GATB: variants seen among roughly 807,000 people sequenced by gnomAD.
GATB encodes the protein glutamyl-tRNA amidotransferase subunit B.
Under a neutral mutation model 62.3 loss-of-function variants are expected in GATB, and 39 were observed. The observed-to-expected ratio is 0.63, with a 90% CI of 0.48 to 0.82. The LOEUF (loss-of-function observed/expected upper bound fraction) is 0.82, where lower values mean the gene tolerates loss of function less well. GATB is among the 40% of genes least tolerant of loss of function. The pLI, the probability that GATB is intolerant of heterozygous loss-of-function variation, is 0.00. For missense variants in GATB, 670 were observed against 684.0 expected, an observed-to-expected ratio of 0.98 and a Z score of 0.23; for synonymous variants, 276 against 258.9, an observed-to-expected ratio of 1.07 and a Z score of -0.63.
chr4:151,742,414 C>T (rs1038138374), intron 2 of GATB, among the ~76,000 whole-genome samples: 5 of 152,170 alleles, frequency 3.3e-5, no homozygotes, highest in Admixed American at 6.5e-5. Context: ...TGGGACAGGG[C>T]AAGGGGGCCA....
At chr4:151,696,012 C>T (rs1291796175) in intron 9 of GATB, among the ~76,000 whole-genome samples, 4 of 147,448 alleles carry the variant, frequency 2.7e-5, no homozygotes, top group Admixed American at 1.4e-4. Flanking sequence ...AAATCCTGGC[C>T]AAAAGTGATC....
chr4:151,712,591 A>C (rs1325037302), intron 5 of GATB, among the ~76,000 whole-genome samples: 1 of 152,344 alleles, frequency 6.6e-6, no homozygotes, highest in Admixed American at 6.5e-5. Context: ...GCAGTGGGTA[A>C]GGTTTGTTAA....
chr4:151,735,245 A>C (rs1001272654), intron 2 of GATB, among the ~76,000 whole-genome samples: 21 of 151,916 alleles, frequency 1.4e-4, no homozygotes, highest in African/African-American at 4.4e-4. Flanking sequence ...GAAAAAAAAA[A>C]AAAAACAAAC....
chr4:151,708,099 C>T lies in GATB; in HGVS notation c.766G>A (p.Gly256Ser). The T allele has an allele frequency of 6.2e-7, 1 of 1,606,334 alleles. No homozygotes were observed. The highest frequency in any genetic ancestry group is 2.2e-5 in the East Asian group (1 of 44,826). The change falls in exon 6 of 13, where the codon GGC becomes AGC. Residue 256 changes from glycine (G) to serine (S), a missense_variant and splice_region_variant. Gly to Ser is a moderately conservative substitution (Grantham distance 56, BLOSUM62 0). Transcript: ENST00000263985. Reference sequence around the variant, plus strand: ...ATATTGGCATCCACTCTCAACTGGCCCTCTGGAAGGAGAGAAGAAAACAAC... The same window carrying T: ...ATATTGGCATCCACTCTCAACTGGCTCTCTGGAAGGAGAGAAGAAAACAAC... ...LGTSQANMAE[G>S]QLRVDANISV...
intron 11 of GATB, chr4:151,673,276 G>A (rs925280623): frequency 2.3e-5 from 4 of 177,196 alleles, no homozygotes; most frequent in Non-Finnish European, 4.8e-5. Flanking sequence ...CGCGGGAGGC[G>A]TGGAGGTGCC....
chr4:151,697,278 C>T (rs1738488208), intron 9 of GATB, among the ~76,000 whole-genome samples: 1 of 152,190 alleles, frequency 6.6e-6, no homozygotes, highest in South Asian at 2.1e-4. Flanking sequence ...GGTATATCTA[C>T]ACAATGAAAT....
intron 2 of GATB, among the ~76,000 whole-genome samples, chr4:151,729,738 A>G (rs565428156): frequency 6.6e-6 from 1 of 152,314 alleles, no homozygotes; most frequent in East Asian, 1.9e-4. Flanking sequence ...AGTGTTGGGT[A>G]ATTCTTCTAT....
At chr4:151,736,237 C>T (rs1310870767) in intron 2 of GATB, among the ~76,000 whole-genome samples, 3 of 152,112 alleles carry the variant, frequency 2.0e-5, no homozygotes, top group Non-Finnish European at 4.4e-5. Context: ...GAGAATTCCA[C>T]AGTATCTATA....
chr4:151,756,311 T>A (rs1228758557), intron 2 of GATB, among the ~76,000 whole-genome samples: 1 of 152,240 alleles, frequency 6.6e-6, no homozygotes, highest in East Asian at 1.9e-4. Context: ...AGTCTGGCTA[T>A]CAGAGCATGT....
intron 10 of GATB, among the ~76,000 whole-genome samples, chr4:151,686,578 T>A (rs1341844654): frequency 6.6e-6 from 1 of 150,768 alleles, no homozygotes; most frequent in African/African-American, 2.5e-5. Context: ...TGCCCCAAAG[T>A]GACACCTACT....
At chr4:151,671,336 A>G (rs1043393981) in intron 12 of GATB, 34 bp from the exon 13 acceptor site, 26 of 1,403,864 alleles carry the variant, frequency 1.9e-5, no homozygotes, top group Non-Finnish European at 2.2e-5. Flanking sequence ...TTAAGAGGAG[A>G]AAATGAAGGG....
intron 5 of GATB, among the ~76,000 whole-genome samples, chr4:151,715,592 T>C (rs539363771): frequency 2.0e-5 from 3 of 152,170 alleles, no homozygotes; most frequent in Admixed American, 6.5e-5. Flanking sequence ...TTCCGCTGTA[T>C]ATGGATGAAA....
chr4:151,679,843 G>T lies in GATB; in HGVS notation c.1380C>A (p.Ser460Arg), dbSNP rs774488466. The stretch of plus-strand genomic sequence containing the variant: ...TAGCTGCTGATGAAGAAATTGTTCT[G>T]CTGTCCAGCAGGTCAAGAAGCTCAG... ...ALAELLDLLD[S>R]RTISSSAAKQ... Residue 460 changes from serine to arginine, a missense_variant, in exon 11 of 13, where the codon AGC becomes AGA. By Grantham distance (110) the Ser-to-Arg change is moderately radical (BLOSUM62 -1). Transcript: ENST00000263985. 1.2e-6 allele frequency: 2 copies of T among 1,614,008 alleles called. No homozygotes were observed. The highest frequency in any genetic ancestry group is 2.7e-5 in the African/African-American group (2 of 74,906).
intron 2 of GATB, among the ~76,000 whole-genome samples, chr4:151,752,045 C>T (rs1166050788): frequency 2.0e-5 from 3 of 152,170 alleles, no homozygotes; most frequent in Non-Finnish European, 4.4e-5. Context: ...TCTACTGTCA[C>T]ATCTGATTGA....
intron 1 of GATB, among the ~76,000 whole-genome samples, chr4:151,759,180 C>T (rs1739900105): frequency 6.6e-6 from 1 of 152,072 alleles, no homozygotes; most frequent in South Asian, 2.1e-4. Flanking sequence ...AACATGAAGG[C>T]TATAGAGAAA....
At chr4:151,711,023 C>G (rs550824100) in intron 5 of GATB, among the ~76,000 whole-genome samples, 14 of 152,168 alleles carry the variant, frequency 9.2e-5, no homozygotes, top group Non-Finnish European at 2.1e-4. Flanking sequence ...GTAAACAGCA[C>G]CACCATCTAG....
At chr4:151,759,281 T>C (rs72962977) in intron 1 of GATB, among the ~76,000 whole-genome samples, 56 of 152,290 alleles carry the variant, frequency 3.7e-4, no homozygotes, top group Non-Finnish European at 7.6e-4. Context: ...TTTAACAAAT[T>C]AACTGTAACT....
intron 2 of GATB, among the ~76,000 whole-genome samples, chr4:151,750,784 T>C (rs1280337227): frequency 6.7e-6 from 1 of 150,332 alleles, no homozygotes; most frequent in East Asian, 2.0e-4. Flanking sequence ...TACACCACCA[T>C]GCCCGACTTA....
chr4:151,755,393 T>A (rs1001638851), intron 2 of GATB, among the ~76,000 whole-genome samples: 2 of 152,240 alleles, frequency 1.3e-5, no homozygotes, highest in South Asian at 2.1e-4. Flanking sequence ...ACTGAGAAAC[T>A]GTGGTTACTT....
Sources: gnomAD v4.1 joint callset for allele counts (sites outside exome capture counted in the v4.1 genomes callset) on GRCh38, gnomAD v4.1.1 for gene constraint, MANE v1.5 for transcripts, NCBI Gene and HGNC (gene_info 2026-07-23, HGNC 2026-07-21) for gene names.